TBC1D12: variants seen among roughly 807,000 people sequenced by gnomAD.
TBC1D12 encodes TBC1 domain family member 12.
Under a neutral mutation model 86.7 loss-of-function variants are expected in TBC1D12, and 56 were observed. The ratio of observed to expected loss-of-function variants is 0.65; its 90% CI spans 0.52 to 0.81. The LOEUF is 0.81. Ranked by LOEUF, TBC1D12 falls within the 30% of genes least tolerant of loss-of-function variation. TBC1D12 has a pLI of 0.00. For missense variants in TBC1D12, 1,023 were observed against 1,038.8 expected, an observed-to-expected ratio of 0.98 and a Z score of 0.21; for synonymous variants, 421 against 411.7, an observed-to-expected ratio of 1.02 and a Z score of -0.27.
At chr10:94,475,624 C>T (rs1289235035) in intron 3 of TBC1D12, among the ~76,000 whole-genome samples, 1 of 151,978 alleles carries the variant, frequency 6.6e-6, no homozygotes, top group Non-Finnish European at 1.5e-5. Flanking sequence ...TTAGTAGAGA[C>T]AGGGTTTCGC....
chr10:94,443,411 G>A (rs2055409076), intron 2 of TBC1D12, among the ~76,000 whole-genome samples: 1 of 152,166 alleles, frequency 6.6e-6, no homozygotes, highest in Non-Finnish European at 1.5e-5. Flanking sequence ...TTCCTGAGAA[G>A]CTGGGACTAC....
intron 5 of TBC1D12, among the ~76,000 whole-genome samples, chr10:94,498,497 A>G (rs1232256773): frequency 3.3e-5 from 5 of 152,132 alleles, no homozygotes; most frequent in African/African-American, 9.7e-5. Flanking sequence ...TCTGTCACCC[A>G]GGCTGGAGTG....
chr10:94,511,095 C>CTTTTTTTTTTTTTTTTTTTTTTTTTTTT, intron 8 of TBC1D12, among the ~76,000 whole-genome samples: 1 of 66,828 alleles, frequency 1.5e-5, no homozygotes, highest in Non-Finnish European at 2.7e-5. Context: ...GTAAATATTT[C>CTTTTTTTTTTTTTTTTTTTTTTTTTTTT]TTTTTTTTTT....
At chr10:94,438,505 A>G (rs2055336185) in intron 1 of TBC1D12, among the ~76,000 whole-genome samples, 1 of 152,130 alleles carries the variant, frequency 6.6e-6, no homozygotes, top group African/African-American at 2.4e-5. Flanking sequence ...GGGCCAGACC[A>G]ACCAAAATGT....
At chr10:94,470,364 GATT>G (rs1564963060) in intron 2 of TBC1D12, among the ~76,000 whole-genome samples, 1 of 151,852 alleles carries the variant, frequency 6.6e-6, no homozygotes, top group Non-Finnish European at 1.5e-5. Flanking sequence ...GTTAATATTT[GATT>G]ATTATTATTA....
At position 94,533,186 on chromosome 10, in the gene TBC1D12, G is replaced by T; in HGVS notation, c.*90G>T. ...CTATGTAAAAGGCGTGGAAGAAAAT[G>T]TTGGAGATACCTAAAAGAATCAAGA... On this transcript the variant is annotated 3_prime_UTR_variant, in exon 13 of 13. Coordinates refer to ENST00000225235, the MANE Select transcript of TBC1D12 (RefSeq NM_015188.2). 2 of 707,264 alleles carry T rather than the reference G, an allele frequency of 2.8e-6. No individual in the cohort carries two copies. The highest frequency in any genetic ancestry group is 4.6e-6 in the Non-Finnish European group (2 of 435,610). The allele number at this position is 707,264 out of a possible 1,614,324, so 43.8% of individuals were successfully genotyped here. A position where few individuals can be genotyped will look rare whatever the true frequency, so the allele number is the denominator to read the frequency against.
intron 5 of TBC1D12, among the ~76,000 whole-genome samples, chr10:94,498,015 G>T (rs963389259): frequency 1.3e-5 from 2 of 151,826 alleles, no homozygotes; most frequent in Admixed American, 1.3e-4. Flanking sequence ...GTAGAGACGG[G>T]GTTTCACCAT....
intron 1 of TBC1D12, among the ~76,000 whole-genome samples, chr10:94,430,759 T>C (rs1248188687): frequency 6.6e-6 from 1 of 152,202 alleles, no homozygotes; most frequent in Admixed American, 6.5e-5. Flanking sequence ...TAGTAGGCCT[T>C]TTCCCCTCTT....
chr10:94,501,006 A>C (rs1271466650), intron 6 of TBC1D12, among the ~76,000 whole-genome samples: 2 of 152,116 alleles, frequency 1.3e-5, no homozygotes, highest in Non-Finnish European at 2.9e-5. Flanking sequence ...CAGTGAGCCG[A>C]GATCGCGCCT....
At position 94,522,067 on chromosome 10, in the gene TBC1D12, G is replaced by A. The variant is rs1564990867; in HGVS notation, c.1874G>A (p.Arg625His). The A allele has an allele frequency of 6.8e-6, 11 of 1,611,970 alleles. No homozygotes were observed. Among genetic ancestry groups the A allele is most frequent in the East Asian group, 2.2e-5 (1 of 44,832 alleles). Residue 625 changes from arginine to histidine, a missense_variant, in exon 10 of 13, where the codon CGT (arginine) becomes CAT (histidine). Transcript: ENST00000225235. ...AAGCCATGCCAGTTGGCCTTTTTTC[G>A]TGTGGATCACAGCATGGTATGAATG... ...LNKPCQLAFF[R>H]VDHSMMLKYF...
At chr10:94,409,515 G>A (rs1040939840) in intron 1 of TBC1D12, among the ~76,000 whole-genome samples, 1 of 151,646 alleles carries the variant, frequency 6.6e-6, no homozygotes, top group African/African-American at 2.4e-5. Context: ...GAGACTACAG[G>A]CATGCACCAC....
intron 1 of TBC1D12, among the ~76,000 whole-genome samples, chr10:94,414,028 C>T (rs940555874): frequency 2.0e-5 from 3 of 151,990 alleles, no homozygotes; most frequent in Non-Finnish European, 4.4e-5. Flanking sequence ...GTTGTTGTCT[C>T]AGGAAAAATT....
chr10:94,506,185 C>T (rs894433481), intron 6 of TBC1D12, among the ~76,000 whole-genome samples: 3 of 151,916 alleles, frequency 2.0e-5, no homozygotes, highest in Admixed American at 6.6e-5. Context: ...TACAGGCATG[C>T]ACCACCATGC....
At chr10:94,465,044 G>A (rs1041542832) in intron 2 of TBC1D12, among the ~76,000 whole-genome samples, 5 of 152,180 alleles carry the variant, frequency 3.3e-5, no homozygotes, top group East Asian at 1.9e-4. Flanking sequence ...TCAGATAATT[G>A]TGGGCATTCT....
Position 94,402,735 on chromosome 10 carries a change from G to A in TBC1D12, c.122G>A (p.Gly41Glu). 1 of 1,561,284 alleles carries A rather than the reference G, an allele frequency of 6.4e-7. No individual in the cohort carries two copies. Among genetic ancestry groups the A allele is most frequent in the Non-Finnish European group, 8.7e-7 (1 of 1,152,804 alleles). The change falls in exon 1 of 13, where the codon GGA (glycine) becomes GAA (glutamate). Residue 41 changes from glycine (G) to glutamate (E), a missense_variant. By Grantham distance (98) the Gly-to-Glu change is moderately conservative. This residue lies in a region of TBC1D12 where 628 missense variants were observed against 531.1 expected (regional missense o/e 1.18). Coordinates refer to ENST00000225235, the MANE Select transcript of TBC1D12 (RefSeq NM_015188.2). Reference protein sequence around the residue: ...KVIRATGGFGGGVGAVEPPEE... With the variant: ...KVIRATGGFGEGVGAVEPPEE... ...ATCCGGGCCACGGGCGGCTTTGGCG[G>A]AGGCGTCGGCGCTGTGGAGCCGCCG...
chr10:94,412,512 CTG>C (rs1268398300), intron 1 of TBC1D12, among the ~76,000 whole-genome samples: 4 of 152,202 alleles, frequency 2.6e-5, no homozygotes. Context: ...AAAAGCAAAT[CTG>C]AGAAGGAACC....
chr10:94,531,565 A>G (rs932168894), intron 12 of TBC1D12, 105 bp downstream of exon 12: 26 of 1,244,076 alleles, frequency 2.1e-5, no homozygotes, highest in Non-Finnish European at 2.2e-5. Context: ...TATGTCTTTT[A>G]AAAATAATTT....
At chr10:94,483,731 TG>T (rs772166416) in intron 3 of TBC1D12, among the ~76,000 whole-genome samples, 2 of 151,278 alleles carry the variant, frequency 1.3e-5, no homozygotes, top group Admixed American at 6.6e-5. Flanking sequence ...GTTTTGTTTT[TG>T]TTTTTTTTTG....
intron 1 of TBC1D12, among the ~76,000 whole-genome samples, chr10:94,431,450 A>G (rs2055214302): frequency 6.6e-6 from 1 of 151,890 alleles, no homozygotes; most frequent in Non-Finnish European, 1.5e-5. Context: ...TAATTTGAAA[A>G]CACATAGTTG....
Sources: allele counts gnomAD v4.1 joint callset (sites outside exome capture counted in the v4.1 genomes callset), GRCh38; gene constraint gnomAD v4.1.1; regional missense constraint gnomAD v4.1.1; transcripts MANE v1.5; gene names NCBI Gene and HGNC (gene_info 2026-07-23, HGNC 2026-07-21).